FRS2: variants seen among roughly 807,000 people sequenced by gnomAD.
The protein encoded by FRS2 is fibroblast growth factor receptor substrate 2, also known as FGFR signalling adaptor.
In FRS2, 8 loss-of-function variants were observed where a neutral mutation model predicts 43.9. That is an observed-to-expected ratio of 0.18 (90% CI 0.11 to 0.33). The LOEUF (loss-of-function observed/expected upper bound fraction) is 0.33, where lower values mean the gene tolerates loss of function less well. Ranked by LOEUF, FRS2 falls within the 10% of genes least tolerant of loss-of-function variation. The pLI, the probability that FRS2 is intolerant of heterozygous loss-of-function variation, is 1.00. For missense variants in FRS2, 534 were observed against 627.6 expected (o/e 0.85, Z 1.59); for synonymous variants, 219 against 220.3 (o/e 0.99, Z 0.05).
Position 69,521,903 on chromosome 12 carries a change from C to T in FRS2, c.-260-8962C>T, listed in dbSNP as rs539022882. Among the ~76,000 whole-genome samples, 185 of 152,256 alleles carry T rather than the reference C, an allele frequency of 1.2e-3. 2 individuals are homozygous for T. Among genetic ancestry groups the T allele is most frequent in the African/African-American group, 4.0e-3 (167 of 41,548 alleles). ...TGCTGGGATTATAGGCGTGAGCCAC[C>T]GCGCCCAGCCTTGTTGAGAGTTTTT... is the stretch of plus-strand genomic sequence containing the variant. On this transcript the variant is annotated intron_variant, in intron 1 of 8. Coordinates refer to ENST00000549921, the MANE Select transcript of FRS2 (RefSeq NM_001278356.2).
At chr12:69,514,533 A>C (rs968115334) in intron 1 of FRS2, among the ~76,000 whole-genome samples, 1 of 152,132 alleles carries the variant, frequency 6.6e-6, no homozygotes, top group Non-Finnish European at 1.5e-5. Flanking sequence ...ACCTTCTGCA[A>C]TTATAAGACG....
chr12:69,486,897 G>A lies in FRS2; in HGVS notation c.-261+16367G>A, dbSNP rs549300451. 1.1e-4 allele frequency among the ~76,000 whole-genome samples: 16 copies of A among 152,258 alleles called. No individual in the cohort carries two copies. The South Asian group carries it at 3.3e-3, about 32-fold the overall frequency. On this transcript the variant is annotated intron_variant, in intron 1 of 8. Coordinates refer to ENST00000549921, the MANE Select transcript of FRS2 (RefSeq NM_001278356.2). ...AGAGGTGAGGAAGCTGCAGAAAAAAGGTTTGAAGCCAAATAGAGGTTGGTT... is the reference window on the plus strand; with the variant it reads ...AGAGGTGAGGAAGCTGCAGAAAAAAAGTTTGAAGCCAAATAGAGGTTGGTT...
chr12:69,515,568 C>G (rs1163846042), intron 1 of FRS2, among the ~76,000 whole-genome samples: 3 of 152,034 alleles, frequency 2.0e-5, no homozygotes, highest in Non-Finnish European at 2.9e-5. Context: ...CTCGCGCTCT[C>G]TTGCTGTCTC....
intron 6 of FRS2, 58 bp downstream of exon 6, chr12:69,570,575 C>T (rs1880666521): frequency 2.0e-6 from 2 of 1,001,346 alleles, no homozygotes; most frequent in Admixed American, 2.2e-5. Context: ...TTCAGCTATT[C>T]TGTATACAAA....
intron 1 of FRS2, among the ~76,000 whole-genome samples, chr12:69,501,381 C>G (rs1873432139): frequency 6.6e-6 from 1 of 152,064 alleles, no homozygotes; most frequent in Non-Finnish European, 1.5e-5. Flanking sequence ...TTCGTGACTC[C>G]CGACCAACCA....
intron 1 of FRS2, among the ~76,000 whole-genome samples, chr12:69,528,625 A>G (rs577961208): frequency 6.6e-6 from 1 of 152,362 alleles, no homozygotes; most frequent in Admixed American, 6.5e-5. Context: ...TTTAAAAGGA[A>G]CAGTGTAGCT....
intron 3 of FRS2, among the ~76,000 whole-genome samples, chr12:69,551,637 A>T (rs915543693): frequency 1.3e-5 from 2 of 152,056 alleles, no homozygotes; most frequent in African/African-American, 4.8e-5. Context: ...CTTCACCTTC[A>T]TTTCCCTATT....
intron 1 of FRS2, among the ~76,000 whole-genome samples, chr12:69,504,429 T>TAA (rs1258630383): frequency 1.3e-5 from 2 of 152,144 alleles, no homozygotes; most frequent in Non-Finnish European, 2.9e-5. Flanking sequence ...AAGTGAGAGT[T>TAA]TATTTAAGAA....
chr12:69,568,465 T>C (rs1880472479), intron 4 of FRS2, among the ~76,000 whole-genome samples: 1 of 151,994 alleles, frequency 6.6e-6, no homozygotes, highest in South Asian at 2.1e-4. Context: ...GGCAGGAGGA[T>C]CACTTGAGCC....
At chr12:69,535,878 AATGT>A (rs992593696) in intron 3 of FRS2, among the ~76,000 whole-genome samples, 65 of 152,030 alleles carry the variant, frequency 4.3e-4, no homozygotes, top group African/African-American at 1.3e-3. Flanking sequence ...ATTTATTTTG[AATGT>A]ATGCTATTAA....
At chr12:69,561,955 T>TA (rs1565776183) in intron 3 of FRS2, among the ~76,000 whole-genome samples, 1 of 152,206 alleles carries the variant, frequency 6.6e-6, no homozygotes. Context: ...TCATAGAACT[T>TA]AGACTATCAC....
intron 1 of FRS2, among the ~76,000 whole-genome samples, chr12:69,527,088 CTTTT>C (rs1876318322): frequency 6.6e-6 from 1 of 152,084 alleles, no homozygotes; most frequent in Non-Finnish European, 1.5e-5. Context: ...TTTTCCCTGA[CTTTT>C]CTAAGTGTAT....
At chr12:69,546,604 G>C (rs1878433567) in intron 3 of FRS2, among the ~76,000 whole-genome samples, 1 of 151,872 alleles carries the variant, frequency 6.6e-6, no homozygotes, top group African/African-American at 2.4e-5. Context: ...TGTTGTCCAG[G>C]CTGGTCTTGA....
At chr12:69,560,553 C>A (rs1481806716) in intron 3 of FRS2, among the ~76,000 whole-genome samples, 5 of 152,144 alleles carry the variant, frequency 3.3e-5, no homozygotes, top group Admixed American at 3.3e-4. Context: ...CTGATAAGTT[C>A]TTGACCTTGG....
chr12:69,504,075 C>T (rs1873708664), intron 1 of FRS2, among the ~76,000 whole-genome samples: 1 of 152,086 alleles, frequency 6.6e-6, no homozygotes, highest in Non-Finnish European at 1.5e-5. Flanking sequence ...TGCCTATGTA[C>T]CTGACAGTTT....
At chr12:69,572,054 C>A in intron 7 of FRS2, 64 bp from the exon 8 acceptor site, 1 of 1,272,982 alleles carries the variant, frequency 7.9e-7, no homozygotes, top group Non-Finnish European at 1.1e-6. Context: ...AGATTCGATT[C>A]TTACTCATTT....
chr12:69,556,011 G>T lies in FRS2; in HGVS notation c.-121-6169G>T, dbSNP rs1000014146. Among the ~76,000 whole-genome samples, 28 of 57,114 alleles carry T rather than the reference G, an allele frequency of 4.9e-4. 2 individuals are homozygous for T. Among genetic ancestry groups the T allele is most frequent in the African/African-American group, 1.1e-3 (8 of 7,526 alleles). 37.5% of individuals were successfully genotyped at this position (57,114 alleles called of 152,430 possible). A position where few individuals can be genotyped will look rare whatever the true frequency, so the allele number is the denominator to read the frequency against. On this transcript the variant is annotated intron_variant, in intron 3 of 8. Transcript: ENST00000549921. ...CTTTTGATCAGTGTGTGTGTGGCGG[G>T]GGGGGGGGCGGTGTACACATGGTAT...
intron 3 of FRS2, among the ~76,000 whole-genome samples, chr12:69,557,619 T>TGTGTGTGTGTGTGCGCGCGCGCGC (rs1555192498): frequency 2.5e-5 from 3 of 118,966 alleles, no homozygotes; most frequent in African/African-American, 5.7e-5. Context: ...TGTGTGTGTG[T>TGTGTGTGTGTGTGCGCGCGCGCGC]GCGCGCGCGC....
At chr12:69,547,277 A>G (rs562660961) in intron 3 of FRS2, among the ~76,000 whole-genome samples, 1 of 152,306 alleles carries the variant, frequency 6.6e-6, no homozygotes, top group East Asian at 1.9e-4. Context: ...CCTAGGCAAC[A>G]TAGTGAGACC....
Sources: allele counts gnomAD v4.1 joint callset (sites outside exome capture counted in the v4.1 genomes callset), GRCh38; gene constraint gnomAD v4.1.1; transcripts MANE v1.5; gene names NCBI Gene and HGNC (gene_info 2026-07-23, HGNC 2026-07-21).